FNIP2: variants seen among roughly 807,000 people sequenced by gnomAD.
The protein encoded by FNIP2 is folliculin-interacting protein 2.
A neutral mutation model predicts 108.7 loss-of-function variants in FNIP2; 32 were observed. That is an observed-to-expected ratio of 0.29 (90% CI 0.22 to 0.40). The LOEUF is 0.40. Among genes scored for constraint, FNIP2 ranks in the 10% least tolerant of loss-of-function variants. The probability of loss-of-function intolerance (pLI) is 1.00; values close to 1 mark genes in which losing one functional copy is unlikely to be tolerated. For missense variants in FNIP2, 1,202 were observed against 1,381.6 expected (o/e 0.87, Z 2.06); for synonymous variants, 480 against 496.7 (o/e 0.97, Z 0.45).
chr4:158,875,530 A>ATATATATATATATT (rs1560823585), intron 14 of FNIP2, among the ~76,000 whole-genome samples: 1 of 140,640 alleles, frequency 7.1e-6, no homozygotes, highest in African/African-American at 3.0e-5. Flanking sequence ...ATATATATAT[A>ATATATATATATATT]TATATATATA....
At chr4:158,832,309 A>T (rs1180079878) in intron 5 of FNIP2, among the ~76,000 whole-genome samples, 171 bp downstream of exon 5, 1 of 152,136 alleles carries the variant, frequency 6.6e-6, no homozygotes, top group Non-Finnish European at 1.5e-5. Context: ...GTGGGAAAAG[A>T]CCTTTGACTT....
chr4:158,805,969 T>C (rs1004388286), intron 1 of FNIP2: 67 of 265,746 alleles, frequency 2.5e-4, no homozygotes, highest in African/African-American at 1.4e-3. Context: ...GCGTGTTTTG[T>C]AATGTGATAG....
chr4:158,885,370 A>G (rs1055114069), intron 14 of FNIP2, among the ~76,000 whole-genome samples: 7 of 152,166 alleles, frequency 4.6e-5, no homozygotes, highest in Non-Finnish European at 8.8e-5. Context: ...CAGGCTGTGA[A>G]GAGCTGTAAG....
chr4:158,893,587 A>T, intron 15 of FNIP2: 1 of 872,864 alleles, frequency 1.1e-6, no homozygotes, highest in South Asian at 1.8e-5. Flanking sequence ...CTTGCAAGAC[A>T]TCTGTCCTGG....
At chr4:158,813,086 C>T (rs144293857) in intron 1 of FNIP2, among the ~76,000 whole-genome samples, 2 of 152,248 alleles carry the variant, frequency 1.3e-5, no homozygotes, top group African/African-American at 4.8e-5. Flanking sequence ...CTTTTTAGCA[C>T]TGAATAATAT....
At chr4:158,836,884 C>T (rs1778844183) in intron 7 of FNIP2, among the ~76,000 whole-genome samples, 1 of 139,618 alleles carries the variant, frequency 7.2e-6, no homozygotes, top group Non-Finnish European at 1.5e-5. Context: ...ACAGCCATAA[C>T]ATAAAGTCTG....
chr4:158,850,548 G>T (rs1047144612), intron 7 of FNIP2, among the ~76,000 whole-genome samples: 2 of 150,750 alleles, frequency 1.3e-5, no homozygotes, highest in Non-Finnish European at 2.9e-5. Context: ...GCAGAGAAAG[G>T]TTCAGAGGCA....
chr4:158,828,397 C>T (rs1778273713), intron 2 of FNIP2, among the ~76,000 whole-genome samples: 3 of 152,124 alleles, frequency 2.0e-5, no homozygotes, highest in South Asian at 2.1e-4. Context: ...GGGCAGATCA[C>T]GAGGTCAAGA....
At chr4:158,812,238 A>G (rs1777318321) in intron 1 of FNIP2, among the ~76,000 whole-genome samples, 1 of 152,158 alleles carries the variant, frequency 6.6e-6, no homozygotes, top group African/African-American at 2.4e-5. Flanking sequence ...TCTTACTGTG[A>G]ACTATCTTAG....
chr4:158,868,546 C>T lies in FNIP2; in HGVS notation c.1910C>T (p.Ala637Val). The change falls in exon 13 of 17, where the codon GCA (alanine) becomes GTA (valine). Residue 637 changes from alanine to valine, a missense_variant. By Grantham distance (64) the Ala-to-Val change is moderately conservative. Transcript: ENST00000264433. The surrounding 1 kb of genome is among the most constrained non-coding windows in gnomAD (Gnocchi z 4.6). ...EACSAGCLGP[A>V]SDASWKPQNA... ...TGCAGCGCAGGGTGCCTGGGGCCAG[C>T]ATCAGACGCTTCCTGGAAACCTCAG... 6.2e-7 allele frequency: 1 copy of T among 1,613,714 alleles called. No homozygotes were observed. Among genetic ancestry groups the T allele is most frequent in the Admixed American group, 1.7e-5 (1 of 59,926 alleles).
intron 14 of FNIP2, among the ~76,000 whole-genome samples, chr4:158,875,049 A>G (rs1231987324): frequency 6.6e-6 from 1 of 151,564 alleles, no homozygotes; most frequent in East Asian, 1.9e-4. Context: ...AGATCATGCC[A>G]CTGCACTCCA....
At chr4:158,810,025 T>G (rs1019819878) in intron 1 of FNIP2, among the ~76,000 whole-genome samples, 1 of 152,224 alleles carries the variant, frequency 6.6e-6, no homozygotes, top group African/African-American at 2.4e-5. Context: ...ATGACCAGTC[T>G]TTATTTATAG....
intron 7 of FNIP2, among the ~76,000 whole-genome samples, chr4:158,839,300 G>A (rs1260420491): frequency 6.6e-6 from 1 of 152,038 alleles, no homozygotes; most frequent in Non-Finnish European, 1.5e-5. Context: ...ATTCTACTAT[G>A]GACTCAAAGA....
chr4:158,827,899 A>G (rs13133053), intron 2 of FNIP2, among the ~76,000 whole-genome samples: 2,016 of 152,306 alleles, frequency 0.013, 25 homozygotes, highest in Non-Finnish European at 0.018. Context: ...AGGCATTTGC[A>G]TTAGACCACC....
chr4:158,883,775 T>C (rs1270368075), intron 14 of FNIP2, among the ~76,000 whole-genome samples: 1 of 152,192 alleles, frequency 6.6e-6, no homozygotes, highest in Admixed American at 6.5e-5. Flanking sequence ...TGGCTGTGTT[T>C]TCTCCTAATG....
Position 158,829,069 on chromosome 4 carries a change from C to T in FNIP2, c.235-10C>T. ...GTAATCTTTTACCTTGCCTGTCTCT[C>T]TTAACCTAGAAAACAGAGGATGTTC... On this transcript the variant is annotated splice_polypyrimidine_tract_variant and intron_variant, in intron 2 of 16. Transcript: ENST00000264433. 6.3e-7 allele frequency: 1 copy of T among 1,597,462 alleles called. No individual in the cohort carries two copies. The highest frequency in any genetic ancestry group is 8.5e-7 in the Non-Finnish European group (1 of 1,171,318).
intron 1 of FNIP2, among the ~76,000 whole-genome samples, chr4:158,802,574 C>T (rs1776799096): frequency 6.6e-6 from 1 of 152,144 alleles, no homozygotes; most frequent in Admixed American, 6.5e-5. Flanking sequence ...CATTGCTTTT[C>T]ATCATTTGAA....
chr4:158,879,661 A>G (rs1316164016), intron 14 of FNIP2, among the ~76,000 whole-genome samples: 1 of 150,400 alleles, frequency 6.6e-6, no homozygotes, highest in Non-Finnish European at 1.5e-5. Context: ...CAGGCAACCT[A>G]CAGAATGGGA....
chr4:158,894,416 C>CCTA lies in FNIP2; in HGVS notation c.3151-1332_3151-1330dup, dbSNP rs533478986. Among the ~76,000 whole-genome samples, 137 of 152,198 alleles carry CCTA rather than the reference C, an allele frequency of 9.0e-4. 2 individuals carry two copies. The highest frequency in any genetic ancestry group is 1.6e-3 in the Non-Finnish European group (107 of 68,006). On this transcript the variant is annotated intron_variant, in intron 15 of 16. Coordinates refer to ENST00000264433, the MANE Select transcript of FNIP2 (RefSeq NM_020840.3). ...TGAACTCCTGGGCTCAAGTGATCCT[C>CCTA]CTACCTCAGCCTCCCAAAGTGCTAG...
Sources: gnomAD v4.1 joint callset for allele counts (sites outside exome capture counted in the v4.1 genomes callset) on GRCh38, gnomAD v4.1.1 for gene constraint, Gnocchi (gnomAD v3.1) non-coding constraint, MANE v1.5 for transcripts, NCBI Gene and HGNC (gene_info 2026-07-23, HGNC 2026-07-21) for gene names.